KATNAL2: variants seen among roughly 807,000 people sequenced by gnomAD.
KATNAL2 encodes katanin p60 ATPase-containing subunit A-like 2.
Under a neutral mutation model 76.3 loss-of-function variants are expected in KATNAL2, and 52 were observed. That is an observed-to-expected ratio of 0.68 (90% CI 0.55 to 0.86). KATNAL2 has a LOEUF of 0.86. Ranked by LOEUF, KATNAL2 falls within the 40% of genes least tolerant of loss-of-function variation. The probability of loss-of-function intolerance (pLI) is 0.00; values close to 1 mark genes in which losing one functional copy is unlikely to be tolerated. For synonymous variants in KATNAL2, 243 were observed against 244.2 expected, an observed-to-expected ratio of 1.00 and a Z score of 0.05; for missense variants, 660 against 668.9, an observed-to-expected ratio of 0.99 and a Z score of 0.15.
At chr18:47,088,486 C>G (rs996129870) in intron 15 of KATNAL2, among the ~76,000 whole-genome samples, 1 of 152,190 alleles carries the variant, frequency 6.6e-6, no homozygotes, top group South Asian at 2.1e-4. Flanking sequence ...CACTCTCTAT[C>G]AGGGGAGTCT....
At chr18:47,054,765 T>C (rs1455745251) in intron 6 of KATNAL2, among the ~76,000 whole-genome samples, 1 of 152,232 alleles carries the variant, frequency 6.6e-6, no homozygotes, top group African/African-American at 2.4e-5. Context: ...GGAGCAAGTT[T>C]TGGACACATA....
intron 3 of KATNAL2, among the ~76,000 whole-genome samples, chr18:46,948,149 CG>C (rs1341700797): frequency 6.6e-6 from 1 of 152,156 alleles, no homozygotes; most frequent in African/African-American, 2.4e-5. Context: ...CTTGCTCTGT[CG>C]CCCAGGCTGG....
intron 3 of KATNAL2, among the ~76,000 whole-genome samples, chr18:46,948,888 T>C (rs183027241): frequency 2.1e-5 from 3 of 145,796 alleles, no homozygotes; most frequent in South Asian, 2.2e-4. Flanking sequence ...AGTATCTGCA[T>C]TGTGTGTGTG....
intron 15 of KATNAL2, among the ~76,000 whole-genome samples, chr18:47,094,921 T>A (rs942191403): frequency 2.0e-5 from 3 of 152,122 alleles, no homozygotes; most frequent in African/African-American, 4.8e-5. Context: ...AACTTTTTTT[T>A]ATGCAAATTG....
chr18:47,045,578 C>A (rs1012814085), intron 3 of KATNAL2, among the ~76,000 whole-genome samples: 2 of 152,168 alleles, frequency 1.3e-5, no homozygotes, highest in Admixed American at 1.3e-4. Context: ...CCGCCTTGGT[C>A]TCCCAGATTG....
At chr18:47,051,076 G>A (rs2061327150) in intron 4 of KATNAL2, among the ~76,000 whole-genome samples, 1 of 152,112 alleles carries the variant, frequency 6.6e-6, no homozygotes, top group African/African-American at 2.4e-5. Context: ...TCTCTCTCTT[G>A]TGTCTTGTTA....
At chr18:46,961,908 G>A (rs907444684) in intron 3 of KATNAL2, among the ~76,000 whole-genome samples, 2 of 152,170 alleles carry the variant, frequency 1.3e-5, no homozygotes, top group Non-Finnish European at 2.9e-5. Context: ...GTAGATGGGG[G>A]TTTGCTACTA....
At chr18:46,960,558 A>G (rs1289959433) in intron 3 of KATNAL2, among the ~76,000 whole-genome samples, 1 of 152,228 alleles carries the variant, frequency 6.6e-6, no homozygotes, top group Admixed American at 6.5e-5. Flanking sequence ...AAAGAGCTCC[A>G]CAATTATTGA....
At chr18:47,059,794 G>A (rs1013541887) in intron 8 of KATNAL2, 140 bp downstream of exon 8, 1 of 627,170 alleles carries the variant, frequency 1.6e-6, no homozygotes, top group Admixed American at 2.7e-5. Context: ...AAATGGAGAA[G>A]AGCGTCAGAA....
intron 3 of KATNAL2, among the ~76,000 whole-genome samples, chr18:47,037,737 T>C (rs1599608206): frequency 1.3e-5 from 2 of 152,220 alleles, no homozygotes; most frequent in Non-Finnish European, 2.9e-5. Flanking sequence ...GCTTTACTCT[T>C]ACTGAATTCT....
intron 1 of KATNAL2, among the ~76,000 whole-genome samples, chr18:46,937,262 A>G (rs1411038336): frequency 6.6e-6 from 1 of 152,202 alleles, no homozygotes; most frequent in Non-Finnish European, 1.5e-5. Context: ...GAGGCATTCT[A>G]CAAAATACCT....
intron 7 of KATNAL2, 53 bp from the exon 8 acceptor site, chr18:47,059,502 AG>A (rs2061568526): frequency 7.9e-7 from 1 of 1,267,242 alleles, no homozygotes; most frequent in African/African-American, 1.5e-5. Context: ...AGGTACATCC[AG>A]CAACTCTCCA....
At chr18:47,031,735 T>A (rs1031010068) in intron 3 of KATNAL2, among the ~76,000 whole-genome samples, 1 of 152,144 alleles carries the variant, frequency 6.6e-6, no homozygotes, top group African/African-American at 2.4e-5. Context: ...CACCTCGGCC[T>A]CCCAAAGTGC....
chr18:47,034,650 A>C (rs762173912), intron 3 of KATNAL2: 16 of 1,613,746 alleles, frequency 9.9e-6, no homozygotes, highest in African/African-American at 2.7e-5. Flanking sequence ...GACACAGCAG[A>C]GGCCCGCCCT....
chr18:46,935,548 A>G (rs554295407), intron 1 of KATNAL2, among the ~76,000 whole-genome samples: 7 of 152,270 alleles, frequency 4.6e-5, no homozygotes, highest in Non-Finnish European at 5.9e-5. Flanking sequence ...CTCAGCCTCC[A>G]GAGTAGCTCG....
chr18:47,072,732 C>T (rs2062050425), intron 13 of KATNAL2, among the ~76,000 whole-genome samples: 1 of 152,214 alleles, frequency 6.6e-6, no homozygotes, highest in Non-Finnish European at 1.5e-5. Context: ...AGCCACCATG[C>T]CTAGCATCTC....
At position 47,054,444 on chromosome 18, in the gene KATNAL2, G is replaced by A. The variant is rs376367765; in HGVS notation, c.332+6G>A. The stretch of plus-strand genomic sequence containing the variant: ...AGTAGAGGGAAGACCAGAAGGTAAA[G>A]TGAATGGTAATTCTTCTTAATCGAC... On this transcript the variant is annotated splice_donor_region_variant and intron_variant, in intron 6 of 17. Transcript: ENST00000683218. The A allele has an allele frequency of 1.5e-5, 25 of 1,613,194 alleles. No homozygotes were observed. The highest frequency in any genetic ancestry group is 2.7e-5 in the African/African-American group (2 of 74,904).
intron 15 of KATNAL2, among the ~76,000 whole-genome samples, chr18:47,097,356 C>G (rs1568028999): frequency 6.6e-6 from 1 of 152,092 alleles, no homozygotes; most frequent in Non-Finnish European, 1.5e-5. Flanking sequence ...CCATGGCCAC[C>G]AGAAAATCAA....
At chr18:46,941,586 C>A (rs951694284) in intron 1 of KATNAL2, among the ~76,000 whole-genome samples, 2 of 152,082 alleles carry the variant, frequency 1.3e-5, no homozygotes, top group African/African-American at 4.8e-5. Context: ...TTCGTATCCA[C>A]CTAATAGTAT....
Sources: gnomAD v4.1 joint callset for allele counts (sites outside exome capture counted in the v4.1 genomes callset) on GRCh38, gnomAD v4.1.1 for gene constraint, MANE v1.5 for transcripts, NCBI Gene and HGNC (gene_info 2026-07-23, HGNC 2026-07-21) for gene names.